CCDC178: variants seen among roughly 807,000 people sequenced by gnomAD.
The protein encoded by CCDC178 is coiled-coil domain containing 178, also known as coiled-coil domain-containing protein 178.
CCDC178 carries 126 observed loss-of-function variants against 117.4 expected under a neutral mutation model. The ratio of observed to expected loss-of-function variants is 1.07; its 90% CI spans 0.93 to 1.24. CCDC178 has a LOEUF of 1.24. Among genes scored for constraint, CCDC178 ranks in the 50% most tolerant of loss-of-function variants. The pLI is 0.00. For synonymous variants in CCDC178, 283 were observed against 313.4 expected (o/e 0.90, Z 1.02); for missense variants, 1,030 against 986.9 (o/e 1.04, Z -0.59).
chr18:33,370,405 T>G (rs1317408069), intron 5 of CCDC178, among the ~76,000 whole-genome samples: 2 of 151,044 alleles, frequency 1.3e-5, no homozygotes, highest in East Asian at 3.9e-4. Flanking sequence ...CTGTAACAAA[T>G]AAAAATGAAC....
intron 22 of CCDC178, 120 bp from the exon 23 acceptor site, chr18:32,938,211 A>T: frequency 1.5e-6 from 1 of 686,592 alleles, no homozygotes; most frequent in African/African-American, 1.8e-5. Flanking sequence ...GACAAACACC[A>T]TTACATTCTC....
At chr18:33,166,771 G>A (rs1163885929) in intron 20 of CCDC178, among the ~76,000 whole-genome samples, 2 of 152,054 alleles carry the variant, frequency 1.3e-5, no homozygotes, top group Admixed American at 6.6e-5. Context: ...AATTCATACT[G>A]GTCTGATTTG....
intron 20 of CCDC178, among the ~76,000 whole-genome samples, chr18:33,185,661 T>G (rs1318958800): frequency 6.6e-6 from 1 of 151,944 alleles, no homozygotes; most frequent in Non-Finnish European, 1.5e-5. Context: ...CATCAAAAAT[T>G]TTTCTCACAA....
intron 3 of CCDC178, among the ~76,000 whole-genome samples, chr18:33,404,486 G>A (rs183769047): frequency 4.7e-4 from 72 of 152,146 alleles, no homozygotes; most frequent in Middle Eastern, 3.4e-3. Context: ...GGAGAAACTG[G>A]AGTCCATGTA....
intron 12 of CCDC178, among the ~76,000 whole-genome samples, chr18:33,270,924 C>T (rs72951085): frequency 0.069 from 10,428 of 151,292 alleles, 560 homozygotes; most frequent in African/African-American, 0.14. Flanking sequence ...TTGATAGTCA[C>T]ACAATGTATA....
intron 3 of CCDC178, among the ~76,000 whole-genome samples, chr18:33,400,553 A>G (rs1328717800): frequency 6.6e-6 from 1 of 152,166 alleles, no homozygotes; most frequent in African/African-American, 2.4e-5. Context: ...CTTAGACTTC[A>G]TGAACCAACT....
chr18:33,410,143 T>C (rs866499426), intron 3 of CCDC178, among the ~76,000 whole-genome samples: 24 of 152,208 alleles, frequency 1.6e-4, no homozygotes, highest in Non-Finnish European at 2.8e-4. Context: ...CAATTTAGAA[T>C]AGGCTTTGTC....
chr18:32,997,604 ATG>A (rs572970731), intron 21 of CCDC178, among the ~76,000 whole-genome samples: 1 of 151,324 alleles, frequency 6.6e-6, no homozygotes, highest in South Asian at 2.1e-4. Context: ...CATAAAGTGT[ATG>A]TGTGTGTGTG....
chr18:33,427,428 A>G (rs1437068109), intron 2 of CCDC178, among the ~76,000 whole-genome samples: 2 of 152,126 alleles, frequency 1.3e-5, no homozygotes, highest in African/African-American at 4.8e-5. Context: ...ATTACAAAAT[A>G]GTAAAAAATC....
chr18:33,339,916 C>G (rs1413124484), intron 9 of CCDC178, among the ~76,000 whole-genome samples: 1 of 151,948 alleles, frequency 6.6e-6, no homozygotes, highest in Non-Finnish European at 1.5e-5. Context: ...TGAAAATGAA[C>G]TAATACAGTA....
intron 20 of CCDC178, among the ~76,000 whole-genome samples, chr18:33,209,941 G>GAC (rs544743916): frequency 5.7e-4 from 86 of 152,134 alleles, no homozygotes; most frequent in Non-Finnish European, 1.2e-3. Flanking sequence ...GAGAAAGAGA[G>GAC]ACACACACAG....
At chr18:33,102,342 T>C (rs2057641602) in intron 20 of CCDC178, among the ~76,000 whole-genome samples, 1 of 150,882 alleles carries the variant, frequency 6.6e-6, no homozygotes, top group Non-Finnish European at 1.5e-5. Context: ...AGTATGTAAA[T>C]GCTCTAATTT....
intron 20 of CCDC178, among the ~76,000 whole-genome samples, chr18:33,143,420 G>T (rs1007831766): frequency 2.6e-5 from 4 of 152,220 alleles, no homozygotes; most frequent in African/African-American, 7.2e-5. Context: ...GAGTTAGGAG[G>T]AACTGGAAAT....
At chr18:33,158,334 C>T (rs900889430) in intron 20 of CCDC178, among the ~76,000 whole-genome samples, 20 of 152,136 alleles carry the variant, frequency 1.3e-4, no homozygotes, top group African/African-American at 3.4e-4. Flanking sequence ...CCACAGAAAA[C>T]GTCTACCTTC....
intron 15 of CCDC178, among the ~76,000 whole-genome samples, chr18:33,235,950 T>A (rs1411242730): frequency 6.6e-6 from 1 of 152,186 alleles, no homozygotes; most frequent in Non-Finnish European, 1.5e-5. Flanking sequence ...ATTGAAAATA[T>A]GGAAAAACTG....
intron 21 of CCDC178, among the ~76,000 whole-genome samples, chr18:32,988,361 A>C (rs555479027): frequency 9.9e-5 from 15 of 151,468 alleles, no homozygotes; most frequent in African/African-American, 3.4e-4. Flanking sequence ...GCTTGAACCC[A>C]GGAGGCGGAG....
chr18:33,418,885 A>T (rs1163772083), intron 2 of CCDC178, among the ~76,000 whole-genome samples: 1 of 152,228 alleles, frequency 6.6e-6, no homozygotes, highest in Non-Finnish European at 1.5e-5. Context: ...TTGAAGAATC[A>T]ATATTGTTAA....
At chr18:33,040,608 T>G (rs1371601984) in intron 21 of CCDC178, among the ~76,000 whole-genome samples, 1 of 151,986 alleles carries the variant, frequency 6.6e-6, no homozygotes, top group Non-Finnish European at 1.5e-5. Context: ...AAAATAATTT[T>G]CTGGGCTAAA....
At chr18:33,418,840 T>C (rs1324874385) in intron 2 of CCDC178, among the ~76,000 whole-genome samples, 1 of 152,134 alleles carries the variant, frequency 6.6e-6, no homozygotes, top group Non-Finnish European at 1.5e-5. Context: ...AAATCACAGA[T>C]GACACAAATG....
Sources: gnomAD v4.1 joint callset for allele counts (sites outside exome capture counted in the v4.1 genomes callset) on GRCh38, gnomAD v4.1.1 for gene constraint, MANE v1.5 for transcripts, NCBI Gene and HGNC (gene_info 2026-07-23, HGNC 2026-07-21) for gene names.